The following CFAP77 variants were observed in gnomAD, a reference collection of about 807,000 sequenced individuals.
CFAP77 encodes cilia and flagella associated protein 77, also known as cilia- and flagella-associated protein 77.
In CFAP77, 25 loss-of-function variants were observed where a neutral mutation model predicts 31.1. The ratio of observed to expected loss-of-function variants is 0.80; its 90% confidence interval spans 0.59 to 1.12. The LOEUF (loss-of-function observed/expected upper bound fraction) is 1.12. Among genes scored for constraint, CFAP77 ranks in the 50% most tolerant of loss-of-function variants. The pLI is 0.00. For missense variants in CFAP77, 377 were observed against 397.3 expected (o/e 0.95, Z 0.44); for synonymous variants, 151 against 159.9 (o/e 0.94, Z 0.42).
chr9:132,550,882 T>C (rs561289835), intron 5 of CFAP77, among the ~76,000 whole-genome samples: 1 of 152,234 alleles, frequency 6.6e-6, no homozygotes, highest in South Asian at 2.1e-4. Context: ...GATGATTTCC[T>C]GGGATAAACT....
At chr9:132,500,106 C>T (rs185051496) in intron 3 of CFAP77, among the ~76,000 whole-genome samples, 126 of 151,018 alleles carry the variant, frequency 8.3e-4, no homozygotes, top group African/African-American at 2.8e-3. Context: ...GAACAGTGAT[C>T]GCACCACTGC....
At chr9:132,419,627 C>T (rs1236420318) in intron 1 of CFAP77, among the ~76,000 whole-genome samples, 5 of 152,168 alleles carry the variant, frequency 3.3e-5, no homozygotes, top group African/African-American at 9.7e-5. Flanking sequence ...TATGTAGAAT[C>T]GCATTTATAT....
At chr9:132,521,040 C>T (rs1376709300) in intron 3 of CFAP77, among the ~76,000 whole-genome samples, 1 of 152,266 alleles carries the variant, frequency 6.6e-6, no homozygotes, top group Non-Finnish European at 1.5e-5. Context: ...CAGCAGATCT[C>T]CCTGGCTCCT....
At chr9:132,471,665 G>A (rs1851260005) in intron 1 of CFAP77, among the ~76,000 whole-genome samples, 1 of 151,268 alleles carries the variant, frequency 6.6e-6, no homozygotes, top group African/African-American at 2.4e-5. Context: ...CTATGCAGGA[G>A]CATTGTGAGA....
At chr9:132,504,257 T>C (rs372358346) in intron 3 of CFAP77, among the ~76,000 whole-genome samples, 6 of 152,228 alleles carry the variant, frequency 3.9e-5, no homozygotes, top group Non-Finnish European at 5.9e-5. Flanking sequence ...TTGGAACCGA[T>C]GTGCAGCCGG....
rs530470497 is a variant in CFAP77 at position 132,417,874 on chromosome 9, G to A, written c.195+7408G>A. 6.2e-5 allele frequency among the ~76,000 whole-genome samples: 5 copies of A among 80,052 alleles called. No individual in the cohort carries two copies. The South Asian group carries it at 2.3e-3, about 37-fold the overall frequency. 52.5% of individuals were successfully genotyped at this position (80,052 alleles called of 152,430 possible). On this transcript the variant is annotated intron_variant, in intron 1 of 5. Coordinates refer to ENST00000393216, the MANE Select transcript of CFAP77 (RefSeq NM_001282957.2). ...CAGAGAATGAGACAAATCCACCCAA[G>A]TGCTTACATTTTCCCCCTTCTGCTC...
chr9:132,544,514 A>G (rs1490455072), intron 5 of CFAP77, among the ~76,000 whole-genome samples: 1 of 104,956 alleles, frequency 9.5e-6, no homozygotes, highest in African/African-American at 4.0e-5. Flanking sequence ...TTTTTTTTTT[A>G]AGGCTGGGTC....
At chr9:132,486,156 A>G (rs1164080547) in intron 1 of CFAP77, among the ~76,000 whole-genome samples, 1 of 130,672 alleles carries the variant, frequency 7.7e-6, no homozygotes, top group Non-Finnish European at 1.6e-5. Context: ...GCGGTGGCGC[A>G]ATCTCGGCTC....
chr9:132,534,610 CAAA>C (rs201151199), intron 3 of CFAP77, among the ~76,000 whole-genome samples: 17 of 64,096 alleles, frequency 2.7e-4, no homozygotes, highest in African/African-American at 5.0e-4. Flanking sequence ...GACTCTGTCT[CAAA>C]AAAAAAAAAA....
At chr9:132,437,827 A>G (rs1850537005) in intron 1 of CFAP77, among the ~76,000 whole-genome samples, 1 of 150,874 alleles carries the variant, frequency 6.6e-6, no homozygotes, top group Non-Finnish European at 1.5e-5. Context: ...TGCATTTTAG[A>G]GAGATCACCC....
rs749180805 is a variant in CFAP77 at position 132,564,950 on chromosome 9, G to C, written c.733-7438G>C. ...CCAGGACTCACGGGAGACCTGGGAG[G>C]GTCACTTCTCACCTTCGGGCCTTGG... is the stretch of plus-strand genomic sequence containing the variant. On this transcript the variant is annotated intron_variant, in intron 5 of 5. Coordinates refer to ENST00000393216, the MANE Select transcript of CFAP77 (RefSeq NM_001282957.2). The surrounding 1 kb of genome is among the most constrained non-coding windows in gnomAD (Gnocchi z 4.6). 1.3e-5 allele frequency among the ~76,000 whole-genome samples: 2 copies of C among 152,152 alleles called. No individual in the cohort carries two copies. The highest frequency in any genetic ancestry group is 1.5e-5 in the Non-Finnish European group (1 of 67,988).
chr9:132,561,661 A>ACC (rs869156683), intron 5 of CFAP77, among the ~76,000 whole-genome samples: 53 of 46,484 alleles, frequency 1.1e-3, no homozygotes, highest in Non-Finnish European at 1.5e-3. Context: ...ACACACACAC[A>ACC]CCCCCTCCAT....
chr9:132,445,881 A>G lies in CFAP77; in HGVS notation c.195+35415A>G, dbSNP rs117040624. The stretch of plus-strand genomic sequence containing the variant: ...GAGACTCGATCTCAAAAAAAAAAAA[A>G]AAAGAAAGAAAGAAAAAGAAAAACA... On this transcript the variant is annotated intron_variant, in intron 1 of 5. Coordinates refer to ENST00000393216, the MANE Select transcript of CFAP77 (RefSeq NM_001282957.2). Among the ~76,000 whole-genome samples, 34 of 151,752 alleles carry G rather than the reference A, an allele frequency of 2.2e-4. No homozygotes were observed. In the East Asian group the frequency reaches 4.1e-3, roughly 18 times the overall value.
At chr9:132,504,248 T>C (rs1408454225) in intron 3 of CFAP77, among the ~76,000 whole-genome samples, 2 of 152,192 alleles carry the variant, frequency 1.3e-5, no homozygotes, top group Non-Finnish European at 2.9e-5. Context: ...CCTACTTCCT[T>C]GGAACCGATG....
rs539162115 is a variant in CFAP77, at chr9:132,555,971, C to T, written c.732+12924C>T. Among the ~76,000 whole-genome samples the T allele has an allele frequency of 9.2e-5, 14 of 152,076 alleles. No homozygotes were observed. In the East Asian group the frequency reaches 2.7e-3, roughly 29 times the overall value. Reference sequence around the variant, plus strand: ...CCCTGGCATCAGGCAATCTCCACTCCGAGTCACACTCAGGTTCCGCGCACA... The same window carrying T: ...CCCTGGCATCAGGCAATCTCCACTCTGAGTCACACTCAGGTTCCGCGCACA... On this transcript the variant is annotated intron_variant, in intron 5 of 5. Transcript: ENST00000393216.
chr9:132,547,456 T>A (rs572682239), intron 5 of CFAP77, among the ~76,000 whole-genome samples: 3 of 152,272 alleles, frequency 2.0e-5, no homozygotes, highest in African/African-American at 7.2e-5. Flanking sequence ...GTGGAGATCA[T>A]TCATTCATTC....
intron 5 of CFAP77, among the ~76,000 whole-genome samples, chr9:132,570,944 A>T (rs1829950428): frequency 6.6e-6 from 1 of 151,970 alleles, no homozygotes; most frequent in Non-Finnish European, 1.5e-5. Flanking sequence ...CTGTGAAATG[A>T]TAAACACAGT....
At chr9:132,515,614 G>A (rs370907166) in intron 3 of CFAP77, among the ~76,000 whole-genome samples, 10 of 152,124 alleles carry the variant, frequency 6.6e-5, no homozygotes, top group African/African-American at 1.7e-4. Flanking sequence ...TTCCTTTCAG[G>A]CCTCATTACT....
At chr9:132,525,206 G>T (rs1229978858) in intron 3 of CFAP77, among the ~76,000 whole-genome samples, 1 of 151,856 alleles carries the variant, frequency 6.6e-6, no homozygotes, top group African/African-American at 2.4e-5. Context: ...TTTTAGTAGA[G>T]ACCGGGTTTC....
Sources: allele counts gnomAD v4.1 joint callset (sites outside exome capture counted in the v4.1 genomes callset), GRCh38; gene constraint gnomAD v4.1.1; non-coding constraint Gnocchi (gnomAD v3.1); transcripts MANE v1.5; gene names NCBI Gene and HGNC (gene_info 2026-07-23, HGNC 2026-07-21).